Variants in ALKAL2 observed in about 807,000 individuals in gnomAD.
ALKAL2 encodes ALK and LTK ligand 2.
A neutral mutation model predicts 18.5 loss-of-function variants in ALKAL2; 8 were observed. That is an observed-to-expected ratio of 0.43 (90% CI 0.25 to 0.78). ALKAL2 has a LOEUF of 0.78. Among genes scored for constraint, ALKAL2 ranks in the 30% least tolerant of loss-of-function variants. The pLI is 0.22. For synonymous variants in ALKAL2, 135 were observed against 95.8 expected (o/e 1.41, Z -2.39); for missense variants, 241 against 211.2 (o/e 1.14, Z -0.88).
At chr2:287,453 A>T in intron 2 of ALKAL2, 130 bp downstream of exon 2, 3 of 308,024 alleles carry the variant, frequency 9.7e-6, no homozygotes, top group Non-Finnish European at 1.5e-5. Context: ...TTTCTTAAAA[A>T]AAAAAAAAAA....
At chr2:282,977 T>G in intron 5 of ALKAL2, 134 bp downstream of exon 5, 1 of 939,298 alleles carries the variant, frequency 1.1e-6, no homozygotes, top group Non-Finnish European at 1.6e-6. Flanking sequence ...GAGATGAGTG[T>G]TGTGCCATCT....
chr2:283,028 C>T (rs541367772), intron 5 of ALKAL2, 83 bp downstream of exon 5: 2 of 1,378,562 alleles, frequency 1.5e-6, no homozygotes, highest in African/African-American at 1.5e-5. Flanking sequence ...AATGAGTGTT[C>T]CTAAACTCCC....
At chr2:286,016 G>A (rs971713262) in intron 4 of ALKAL2, 107 bp downstream of exon 4, 7 of 958,696 alleles carry the variant, frequency 7.3e-6, no homozygotes, top group Non-Finnish European at 1.1e-5. Context: ...GGAAGGAATA[G>A]GCAAATTTGA....
At position 287,641 on chromosome 2, in the gene ALKAL2, G is replaced by C. The variant is rs991685087; in HGVS notation, c.195C>G (p.Asp65Glu). 6 of 1,481,710 alleles carry C rather than the reference G, an allele frequency of 4.0e-6. No individual in the cohort carries two copies. The highest frequency in any genetic ancestry group is 5.3e-6 in the Non-Finnish European group (6 of 1,122,136). 91.8% of individuals were successfully genotyped at this position (1,481,710 alleles called of 1,614,324 possible). ...CCGCCTCCGCGCGGCCCAGGGCGCA[G>C]TCCCGCCCGAGGAGCTGCAGGCCCT... The part of the protein sequence containing the change: ...EHKGLQLLGR[D>E]CALGRAEAAG... Residue 65 changes from aspartate to glutamate, a missense_variant, in exon 2 of 6, where the codon GAC becomes GAG. By Grantham distance (45) the Asp-to-Glu change is conservative (BLOSUM62 2). Coordinates refer to ENST00000403610, the MANE Select transcript of ALKAL2 (RefSeq NM_001002919.3).
rs1670283844 is a variant in ALKAL2 at position 279,987 on chromosome 2, CTG to C, written c.*158_*159del. ...GATTTATCGAATATATATCTGCAAACTGTCAACAACATACAAAACTCAAAGGA... is the reference window on the plus strand; with the variant it reads ...GATTTATCGAATATATATCTGCAAACTCAACAACATACAAAACTCAAAGGA... On this transcript the variant is annotated 3_prime_UTR_variant, in exon 6 of 6. Transcript: ENST00000403610. 5 of 743,702 alleles carry C rather than the reference CTG, an allele frequency of 6.7e-6. No homozygotes were observed. The highest frequency in any genetic ancestry group is 5.0e-5 in the South Asian group (3 of 60,126). 46.1% of individuals were successfully genotyped at this position (743,702 alleles called of 1,614,324 possible). A position where few individuals can be genotyped will look rare whatever the true frequency, so the allele number is the denominator to read the frequency against.
chr2:282,418 T>C (rs913926599), intron 5 of ALKAL2, among the ~76,000 whole-genome samples: 3 of 152,232 alleles, frequency 2.0e-5, no homozygotes, highest in African/African-American at 4.8e-5. Context: ...ACAAGACACA[T>C]AGTAAGTATA....
chr2:286,351 A>G lies in ALKAL2; in HGVS notation c.254-8T>C, dbSNP rs746951442. ...GATCTCGAGGAACAATTTCTGTTTC[A>G]GGGAAAAGAAAGTATTATATTACCT... On this transcript the variant is annotated splice_polypyrimidine_tract_variant and splice_region_variant and intron_variant, in intron 2 of 5. Coordinates refer to ENST00000403610, the MANE Select transcript of ALKAL2 (RefSeq NM_001002919.3). 3.1e-6 allele frequency: 5 copies of G among 1,604,612 alleles called. No homozygotes were observed. The highest frequency in any genetic ancestry group is 2.6e-6 in the Non-Finnish European group (3 of 1,173,886).
intron 2 of ALKAL2, 68 bp from the exon 3 acceptor site, chr2:286,411 G>T: frequency 8.0e-7 from 1 of 1,245,246 alleles, no homozygotes; most frequent in Non-Finnish European, 1.1e-6. Flanking sequence ...GATCTTAAGT[G>T]AATGTTGAAG....
In ALKAL2 at chr2:288,003, G is replaced by T. The variant is rs1012887724; in HGVS notation, c.-58+10C>A. 5 of 1,231,740 alleles carry T rather than the reference G, an allele frequency of 4.1e-6. No individual in the cohort carries two copies. The South Asian group carries it at 1.1e-4, about 27-fold the overall frequency. 76.3% of individuals were successfully genotyped at this position (1,231,740 alleles called of 1,614,324 possible). A position where few individuals can be genotyped will look rare whatever the true frequency, so the allele number is the denominator to read the frequency against. ...GGGAGGAGCCGCTGGCGCTGGACCC[G>T]GCCCCTCACCTCCGCGGACCCCGAG... On this transcript the variant is annotated intron_variant, in intron 1 of 5. Coordinates refer to ENST00000403610, the MANE Select transcript of ALKAL2 (RefSeq NM_001002919.3).
intron 4 of ALKAL2, chr2:283,508 T>A (rs1670417493): frequency 1.0e-6 from 1 of 985,306 alleles, no homozygotes; most frequent in Non-Finnish European, 1.2e-6. Flanking sequence ...TGACAATCCT[T>A]CCGTACCCTT....
chr2:285,286 T>C (rs927227912), intron 4 of ALKAL2, among the ~76,000 whole-genome samples: 4 of 152,222 alleles, frequency 2.6e-5, no homozygotes, highest in South Asian at 2.1e-4. Context: ...TTCGTGTACA[T>C]TGGCTTTTCG....
chr2:287,782 C>A lies in ALKAL2; in HGVS notation c.54G>T (p.Ala18=), dbSNP rs1670577686. The A allele has an allele frequency of 7.1e-7, 1 of 1,403,878 alleles. No homozygotes were observed. Among genetic ancestry groups the A allele is most frequent in the Non-Finnish European group, 9.2e-7 (1 of 1,084,438 alleles). 87.0% of individuals were successfully genotyped at this position (1,403,878 alleles called of 1,614,324 possible). A position where few individuals can be genotyped will look rare whatever the true frequency, so the allele number is the denominator to read the frequency against. Residue 18 remains alanine, a synonymous_variant, in exon 2 of 6, where the codon GCG becomes GCT. Transcript: ENST00000403610. ...CCGCGCCCCCCCGGCCGCGCCCCGC[C>A]GCCCCCAGCACCAGCAGCAGCCCCA... ...LLLGLLLVLG[A]AGRGRGGAEP...
intron 5 of ALKAL2, among the ~76,000 whole-genome samples, chr2:281,477 A>G (rs1441266601): frequency 1.3e-5 from 2 of 152,054 alleles, no homozygotes; most frequent in Admixed American, 6.6e-5. Flanking sequence ...GGGACTATCA[A>G]GGGGATTCTG....
chr2:285,863 C>T (rs1391713549), intron 4 of ALKAL2: 1 of 427,516 alleles, frequency 2.3e-6, no homozygotes, highest in Non-Finnish European at 4.2e-6. Flanking sequence ...GGAGAATTAA[C>T]AGGAGGAGAA....
chr2:281,828 C>G (rs1670364769), intron 5 of ALKAL2, among the ~76,000 whole-genome samples: 1 of 151,714 alleles, frequency 6.6e-6, no homozygotes, highest in South Asian at 2.1e-4. Context: ...CCTGGCATAT[C>G]ACCTTGGGTG....
At position 286,145 on chromosome 2, in the gene ALKAL2, G is replaced by A; in HGVS notation, c.366C>T (p.Thr122=). The A allele has an allele frequency of 6.2e-7, 1 of 1,613,762 alleles. No homozygotes were observed. ...TACATGCAGGAATGGTGCAGTCTCT[G>A]GTGTTGTGATAAAGTCTATGGAAGT... is the stretch of plus-strand genomic sequence containing the variant. ...SKHFHRLYHN[T]RDCTIPAYYK... Residue 122 remains threonine (T), a synonymous_variant, in exon 4 of 6, where the codon ACC becomes ACT. Transcript: ENST00000403610.
intron 4 of ALKAL2, among the ~76,000 whole-genome samples, chr2:283,862 C>G (rs976747167): frequency 2.6e-5 from 4 of 152,140 alleles, no homozygotes; most frequent in Non-Finnish European, 5.9e-5. Context: ...ATAACAAAAT[C>G]CTACTTAAAA....
At chr2:284,216 C>T (rs1670435475) in intron 4 of ALKAL2, among the ~76,000 whole-genome samples, 1 of 152,194 alleles carries the variant, frequency 6.6e-6, no homozygotes, top group African/African-American at 2.4e-5. Context: ...TCCAGGGTCC[C>T]AGCTGACCAC....
At position 286,107 on chromosome 2, in the gene ALKAL2, C is replaced by T. The variant is rs753604664; in HGVS notation, c.388+16G>A. On this transcript the variant is annotated intron_variant, in intron 4 of 5. Transcript: ENST00000403610. ...ACTGCTCTTGCATTTTATAAAAATC[C>T]AATGCTGTTACTTACATGCAGGAAT... The T allele has an allele frequency of 1.9e-6, 3 of 1,606,844 alleles. No individual in the cohort carries two copies. The highest frequency in any genetic ancestry group is 2.7e-5 in the African/African-American group (2 of 74,814).
Sources: allele counts gnomAD v4.1 joint callset (sites outside exome capture counted in the v4.1 genomes callset), GRCh38; gene constraint gnomAD v4.1.1; transcripts MANE v1.5; gene names NCBI Gene and HGNC (gene_info 2026-07-23, HGNC 2026-07-21).